Variants in SP100 observed in about 807,000 individuals in gnomAD.
SP100 encodes the protein nuclear autoantigen Sp-100.
SP100 carries 84 observed loss-of-function variants against 130.0 expected under a neutral mutation model. The observed-to-expected ratio is 0.65, with a 90% confidence interval of 0.54 to 0.77. The LOEUF is 0.77. Ranked by LOEUF, SP100 falls within the 30% of genes least tolerant of loss-of-function variation. The pLI is 0.00. For missense variants in SP100, 978 were observed against 1,052.2 expected (o/e 0.93, Z 0.97); for synonymous variants, 331 against 351.7 (o/e 0.94, Z 0.66).
Position 230,545,413 on chromosome 2 carries a change from T to G in SP100, c.*2467T>G, listed in dbSNP as rs1395491196. Among the ~76,000 whole-genome samples, 1 of 152,042 alleles carries G rather than the reference T, an allele frequency of 6.6e-6. No individual in the cohort carries two copies. Among genetic ancestry groups the G allele is most frequent in the Middle Eastern group, 3.2e-3 (1 of 316 alleles). On this transcript the variant is annotated 3_prime_UTR_variant, in exon 29 of 29. Coordinates refer to ENST00000340126, the MANE Select transcript of SP100 (RefSeq NM_001080391.2). Reference sequence around the variant, plus strand: ...TGAACACAATGAAGGGAACAGACACTAGGGTCTACTTGAGGGTGGAGGATG... The same window carrying G: ...TGAACACAATGAAGGGAACAGACACGAGGGTCTACTTGAGGGTGGAGGATG...
chr2:230,540,897 C>T lies in SP100; in HGVS notation c.2232C>T (p.Phe744=). The change falls in exon 26 of 29, where the codon TTC becomes TTT. Residue 744 remains phenylalanine (F), a synonymous_variant. Transcript: ENST00000340126. ...EANKNPWSCI[F]CRIKTIQERC... Reference sequence around the variant, plus strand: ...TCAGGAACCCGTGGAGTTGCATCTTCTGCAGGATAAAGACTATTCAGGAAA... The same window carrying T: ...TCAGGAACCCGTGGAGTTGCATCTTTTGCAGGATAAAGACTATTCAGGAAA... 1 of 1,612,528 alleles carries T rather than the reference C, an allele frequency of 6.2e-7. No homozygotes were observed. Among genetic ancestry groups the T allele is most frequent in the East Asian group, 2.2e-5 (1 of 44,856 alleles).
intron 24 of SP100, among the ~76,000 whole-genome samples, chr2:230,525,629 C>A (rs1691384911): frequency 6.6e-6 from 1 of 152,104 alleles, no homozygotes; most frequent in South Asian, 2.1e-4. Flanking sequence ...CCAGGAAGCA[C>A]AAGGGGTGGG....
At chr2:230,450,430 A>T (rs1040149989) in intron 8 of SP100, among the ~76,000 whole-genome samples, 175 bp downstream of exon 8, 1 of 152,196 alleles carries the variant, frequency 6.6e-6, no homozygotes, top group African/African-American at 2.4e-5. Flanking sequence ...CACATTGTGA[A>T]AAGGCTAATT....
chr2:230,492,575 G>A (rs143355458), intron 17 of SP100, among the ~76,000 whole-genome samples: 1 of 152,172 alleles, frequency 6.6e-6, no homozygotes, highest in African/African-American at 2.4e-5. Context: ...CAAAGTGCTG[G>A]GATTACAGGC....
chr2:230,494,372 G>T, intron 17 of SP100, 44 bp from the exon 18 acceptor site: 1 of 1,387,542 alleles, frequency 7.2e-7, no homozygotes. Flanking sequence ...GTAAATCTTT[G>T]TTTATAGTTC....
At chr2:230,509,987 C>A (rs542188741) in intron 23 of SP100, 18 of 152,692 alleles carry the variant, frequency 1.2e-4, no homozygotes, top group African/African-American at 4.3e-4. Flanking sequence ...ATTCTGTCAA[C>A]CTTATTGTCT....
At chr2:230,462,335 CT>C (rs2064700429) in intron 9 of SP100, 99 bp from the exon 10 acceptor site, 2 of 858,330 alleles carry the variant, frequency 2.3e-6, no homozygotes, top group Admixed American at 4.3e-5. Context: ...GTTAACTTAG[CT>C]TCCTGGGTCT....
At position 230,508,917 on chromosome 2, in the gene SP100, C is replaced by CCACACA. The variant is rs56380956; in HGVS notation, c.2052+911_2052+916dup. On this transcript the variant is annotated intron_variant, in intron 23 of 28. Transcript: ENST00000340126. ...CCTTTTCTTTTATCTTTTACCTCCA[C>CCACACA]CACACACACACACACACACACACAC... The CCACACA allele has an allele frequency of 8.9e-3, 1,295 of 146,078 alleles. 10 individuals carry two copies. Among genetic ancestry groups the CCACACA allele is most frequent in the Middle Eastern group, 0.039 (11 of 282 alleles). The allele number at this position is 146,078 out of a possible 1,614,324, so 9.0% of individuals were successfully genotyped here. A position where few individuals can be genotyped will look rare whatever the true frequency, so the allele number is the denominator to read the frequency against.
chr2:230,476,290 T>C (rs540035299), intron 17 of SP100, among the ~76,000 whole-genome samples: 1 of 152,228 alleles, frequency 6.6e-6, no homozygotes, highest in African/African-American at 2.4e-5. Flanking sequence ...TCTCATTTTC[T>C]TTATGGCTAT....
At chr2:230,524,034 G>T (rs1466950345) in intron 24 of SP100, among the ~76,000 whole-genome samples, 1 of 151,130 alleles carries the variant, frequency 6.6e-6, no homozygotes, top group Non-Finnish European at 1.5e-5. Context: ...GGCACAGAAG[G>T]TTATAAAACT....
chr2:230,472,890 T>C (rs931550128), intron 15 of SP100, among the ~76,000 whole-genome samples: 3 of 152,128 alleles, frequency 2.0e-5, no homozygotes, highest in African/African-American at 7.2e-5. Flanking sequence ...ACCCACAACC[T>C]CATGATTCCT....
chr2:230,468,433 C>A (rs1345112707), intron 13 of SP100, among the ~76,000 whole-genome samples: 1 of 152,128 alleles, frequency 6.6e-6, no homozygotes, highest in Non-Finnish European at 1.5e-5. Flanking sequence ...AGATTTTACA[C>A]GGACTCATGG....
At chr2:230,476,892 G>A (rs2065577438) in intron 17 of SP100, among the ~76,000 whole-genome samples, 1 of 152,128 alleles carries the variant, frequency 6.6e-6, no homozygotes, top group African/African-American at 2.4e-5. Flanking sequence ...TTTTGACGGA[G>A]TCTTGCACTG....
intron 2 of SP100, among the ~76,000 whole-genome samples, chr2:230,442,435 G>T (rs1318672381): frequency 6.6e-6 from 1 of 152,076 alleles, no homozygotes; most frequent in East Asian, 1.9e-4. Flanking sequence ...AAACTGCATT[G>T]TATTATTTGT....
chr2:230,484,812 A>G (rs764727447), intron 17 of SP100, among the ~76,000 whole-genome samples: 3 of 152,202 alleles, frequency 2.0e-5, no homozygotes, highest in Non-Finnish European at 4.4e-5. Context: ...TTCCAGGTAT[A>G]TAATCATACA....
At chr2:230,464,500 G>A (rs915220810) in intron 11 of SP100, among the ~76,000 whole-genome samples, 1 of 152,122 alleles carries the variant, frequency 6.6e-6, no homozygotes, top group Admixed American at 6.5e-5. Context: ...CTTTATATTT[G>A]ATAGAGCATG....
In SP100 at chr2:230,515,173, A is replaced by G. The variant is rs1233224426; in HGVS notation, c.2094+4007A>G. 2.5e-6 allele frequency: 4 copies of G among 1,613,538 alleles called. No individual in the cohort carries two copies. In the African/African-American group the frequency reaches 5.3e-5, roughly 22 times the overall value. On this transcript the variant is annotated intron_variant, in intron 24 of 28. Transcript: ENST00000340126. ...AAAGAAGTGCTCAGAGACATGGAAG[A>G]CCATTTTTGCTAAAGAGAAAGGAAA...
At chr2:230,540,618 A>G (rs1692134206) in intron 25 of SP100, among the ~76,000 whole-genome samples, 1 of 152,162 alleles carries the variant, frequency 6.6e-6, no homozygotes, top group African/African-American at 2.4e-5. Flanking sequence ...GGAAACCCTA[A>G]GTTTTGAGGT....
At chr2:230,517,742 G>A (rs1469272004) in intron 24 of SP100, among the ~76,000 whole-genome samples, 3 of 146,032 alleles carry the variant, frequency 2.1e-5, no homozygotes, top group Non-Finnish European at 3.0e-5. Context: ...TCTAGCCTGG[G>A]CAACAGAGCA....
Sources: allele counts gnomAD v4.1 joint callset (sites outside exome capture counted in the v4.1 genomes callset), GRCh38; gene constraint gnomAD v4.1.1; transcripts MANE v1.5; gene names NCBI Gene and HGNC (gene_info 2026-07-23, HGNC 2026-07-21).